ZBBX: variants seen among roughly 807,000 people sequenced by gnomAD.
ZBBX encodes zinc finger B-box domain containing.
ZBBX carries 101 observed loss-of-function variants against 108.5 expected under a neutral mutation model. The observed-to-expected ratio is 0.93, with a 90% CI of 0.79 to 1.10. The LOEUF (loss-of-function observed/expected upper bound fraction) is 1.10. ZBBX is among the 50% of genes least tolerant of loss of function. ZBBX has a pLI of 0.00. For synonymous variants in ZBBX, 356 were observed against 323.4 expected (o/e 1.10, Z -1.08); for missense variants, 1,009 against 941.4 (o/e 1.07, Z -0.94).
At chr3:167,397,285 T>C (rs543331006) in intron 1 of ZBBX, among the ~76,000 whole-genome samples, 7 of 151,812 alleles carry the variant, frequency 4.6e-5, no homozygotes, top group Non-Finnish European at 8.8e-5. Context: ...ACGTTTTGTT[T>C]GAATGAAGAA....
chr3:167,381,227 T>G (rs1421557809), upstream of ZBBX: 1 of 152,100 alleles, frequency 6.6e-6, no homozygotes, highest in Non-Finnish European at 1.5e-5. Context: ...TTACAACCAC[T>G]ATGGATAAGA....
At chr3:167,328,151 A>C in intron 10 of ZBBX, 35 bp from the exon 11 acceptor site, 1 of 1,563,952 alleles carries the variant, frequency 6.4e-7, no homozygotes, top group South Asian at 1.2e-5. Context: ...GCTTTATTAA[A>C]TTTTCTGTAT....
chr3:167,244,281 A>G (rs906905461), intron 20 of ZBBX, among the ~76,000 whole-genome samples: 3 of 152,170 alleles, frequency 2.0e-5, no homozygotes, highest in African/African-American at 7.2e-5. Context: ...TCCGTATGGT[A>G]AAAGAAGACC....
chr3:167,244,815 T>C (rs1483508245), intron 20 of ZBBX, among the ~76,000 whole-genome samples: 2 of 152,120 alleles, frequency 1.3e-5, no homozygotes, highest in African/African-American at 4.8e-5. Flanking sequence ...ATCCCTGGAG[T>C]AAGAGTACCT....
At chr3:167,295,665 T>C (rs2108157342) in intron 18 of ZBBX, among the ~76,000 whole-genome samples, 1 of 139,180 alleles carries the variant, frequency 7.2e-6, no homozygotes, top group Admixed American at 7.7e-5. Context: ...ACCCAGAACT[T>C]AAAGTGAAAT....
chr3:167,358,032 G>T (rs903756181), intron 8 of ZBBX, among the ~76,000 whole-genome samples: 2 of 151,950 alleles, frequency 1.3e-5, no homozygotes, highest in African/African-American at 4.8e-5. Context: ...GTTGTTGAGA[G>T]GGGAGGGATA....
chr3:167,302,986 A>G (rs982888783), intron 17 of ZBBX, among the ~76,000 whole-genome samples: 26 of 152,162 alleles, frequency 1.7e-4, no homozygotes, highest in Non-Finnish European at 1.5e-4. Flanking sequence ...AGAGGGACAT[A>G]ATCTCTATAT....
chr3:167,276,540 G>A, intron 20 of ZBBX, among the ~76,000 whole-genome samples: 1 of 152,078 alleles, frequency 6.6e-6, no homozygotes. Context: ...GGGAAGTTTA[G>A]AGAAAAAAGA....
the ZBBX span, among the ~76,000 whole-genome samples, chr3:167,208,555 C>G: frequency 6.6e-6 from 1 of 152,158 alleles, no homozygotes; most frequent in Non-Finnish European, 1.5e-5. Flanking sequence ...TTTCTAGACA[C>G]ATCCTGGGAT....
chr3:167,322,082 A>G (rs1369661332), intron 12 of ZBBX, 35 bp downstream of exon 12: 2 of 1,126,214 alleles, frequency 1.8e-6, no homozygotes, highest in Non-Finnish European at 2.4e-6. Context: ...AATAACTTTC[A>G]TATTTCCTAA....
intron 20 of ZBBX, among the ~76,000 whole-genome samples, chr3:167,275,817 C>G (rs565651791): frequency 0.011 from 1,659 of 152,260 alleles, 18 homozygotes; most frequent in South Asian, 0.024. Context: ...GGCTCCACCT[C>G]TGGGGGCAGG....
At chr3:167,380,356 C>T (rs1283241600), upstream of ZBBX, 1 of 152,162 alleles carries the variant, frequency 6.6e-6, no homozygotes, top group East Asian at 1.9e-4. Flanking sequence ...CCCATAGCAA[C>T]CAGAAAGCTG....
chr3:167,350,693 G>T (rs1162710423), intron 8 of ZBBX, among the ~76,000 whole-genome samples, 178 bp from the exon 9 acceptor site: 13 of 151,548 alleles, frequency 8.6e-5, no homozygotes, highest in Non-Finnish European at 1.9e-4. Flanking sequence ...GGGACTAGTT[G>T]TCCCAGTTAA....
the ZBBX span, among the ~76,000 whole-genome samples, chr3:167,219,763 T>C: frequency 1.3e-5 from 2 of 151,516 alleles, no homozygotes; most frequent in Non-Finnish European, 3.0e-5. Flanking sequence ...TAATAATGAT[T>C]AGAGAGGAAA....
chr3:167,348,350 AAGAAAG>A (rs1313668013), intron 9 of ZBBX, among the ~76,000 whole-genome samples: 28 of 117,278 alleles, frequency 2.4e-4, no homozygotes, highest in East Asian at 1.9e-3. Context: ...GAAAGAAAGA[AAGAAAG>A]AAAGAAAGAA....
At chr3:167,315,723 A>G (rs747289221) in intron 15 of ZBBX, 27 bp downstream of exon 15, 3 of 1,551,758 alleles carry the variant, frequency 1.9e-6, no homozygotes, top group East Asian at 4.5e-5. Context: ...CTCAATATGC[A>G]CACAAAGTTA....
At chr3:167,303,083 A>G (rs1733002889) in intron 17 of ZBBX, among the ~76,000 whole-genome samples, 1 of 152,194 alleles carries the variant, frequency 6.6e-6, no homozygotes, top group Non-Finnish European at 1.5e-5. Flanking sequence ...ATGTGCAAAA[A>G]AACATGAGAG....
At chr3:167,355,148 A>G (rs1046337127) in intron 8 of ZBBX, among the ~76,000 whole-genome samples, 2 of 151,974 alleles carry the variant, frequency 1.3e-5, no homozygotes, top group African/African-American at 4.8e-5. Context: ...GTTTAATTAA[A>G]TTATTCACAT....
chr3:167,188,991 T>C, the ZBBX span, among the ~76,000 whole-genome samples: 1 of 152,210 alleles, frequency 6.6e-6, no homozygotes, highest in South Asian at 2.1e-4. Context: ...ACCTATCTTA[T>C]GAAGGTGAAT....
Sources: allele counts gnomAD v4.1 joint callset (sites outside exome capture counted in the v4.1 genomes callset), GRCh38; gene constraint gnomAD v4.1.1; transcripts MANE v1.5; gene names NCBI Gene and HGNC (gene_info 2026-07-23, HGNC 2026-07-21).